Variants in HSD17B4 observed in about 807,000 individuals in gnomAD.
The protein encoded by HSD17B4 is peroxisomal multifunctional enzyme type 2.
HSD17B4 carries 70 observed loss-of-function variants against 101.0 expected under a neutral mutation model. The observed-to-expected ratio is 0.69, with a 90% CI of 0.57 to 0.85. The LOEUF is 0.85. Among genes scored for constraint, HSD17B4 ranks in the 40% least tolerant of loss-of-function variants. The pLI, the probability that HSD17B4 is intolerant of heterozygous loss-of-function variation, is 0.00. For synonymous variants in HSD17B4, 347 were observed against 297.1 expected, an observed-to-expected ratio of 1.17 and a Z score of -1.73; for missense variants, 984 against 892.4, an observed-to-expected ratio of 1.10 and a Z score of -1.31.
chr5:119,519,699 C>T (rs889333697), intron 17 of HSD17B4, among the ~76,000 whole-genome samples: 1 of 152,202 alleles, frequency 6.6e-6, no homozygotes, highest in Non-Finnish European at 1.5e-5. Flanking sequence ...TTCTTTCTCT[C>T]ATTTTTATTT....
intron 11 of HSD17B4, among the ~76,000 whole-genome samples, chr5:119,495,367 G>A (rs1750538539): frequency 6.6e-6 from 1 of 152,110 alleles, no homozygotes; most frequent in Non-Finnish European, 1.5e-5. Context: ...TCTATTTGAA[G>A]CACAATTTTT....
At chr5:119,463,265 G>A (rs1755445749) in intron 2 of HSD17B4, among the ~76,000 whole-genome samples, 2 of 152,016 alleles carry the variant, frequency 1.3e-5, no homozygotes, top group Admixed American at 6.6e-5. Flanking sequence ...GTTGATGAAC[G>A]CTTAGGCCGG....
chr5:119,509,448 G>C (rs769321757), intron 16 of HSD17B4: 2 of 685,912 alleles, frequency 2.9e-6, no homozygotes, highest in South Asian at 3.0e-5. Context: ...ATGTGAGGAT[G>C]ATGAGGATGA....
At chr5:119,526,104 T>A (rs1408016220) in intron 19 of HSD17B4, 81 bp downstream of exon 19, 2 of 835,570 alleles carry the variant, frequency 2.4e-6, no homozygotes, top group East Asian at 4.9e-5. Flanking sequence ...AGTGATTTAA[T>A]TGAAAATAGA....
intron 16 of HSD17B4, among the ~76,000 whole-genome samples, chr5:119,509,812 G>T (rs1224616168): frequency 6.6e-6 from 1 of 152,198 alleles, no homozygotes; most frequent in Non-Finnish European, 1.5e-5. Flanking sequence ...GATTTCAGAT[G>T]AGGTGGCAGC....
intron 8 of HSD17B4, among the ~76,000 whole-genome samples, chr5:119,483,425 T>G (rs1749329513): frequency 6.6e-6 from 1 of 152,154 alleles, no homozygotes; most frequent in South Asian, 2.1e-4. Flanking sequence ...AGGATGGAAG[T>G]AACAACTTCC....
In HSD17B4 at chr5:119,525,971, G is replaced by T; in HGVS notation, c.1628G>T (p.Arg543Leu). 14 of 1,611,504 alleles carry T rather than the reference G, an allele frequency of 8.7e-6. No individual in the cohort carries two copies. Among genetic ancestry groups the T allele is most frequent in the Non-Finnish European group, 1.1e-5 (13 of 1,177,944 alleles). The change falls in exon 19 of 24, where the codon CGT (arginine) becomes CTT (leucine). Residue 543 changes from arginine (R) to leucine (L), a missense_variant. Coordinates refer to ENST00000510025, the MANE Select transcript of HSD17B4 (RefSeq NM_000414.4). The part of the protein sequence containing the change: ...GLCTFGFSAR[R>L]VLQQFADNDV... ...TGTACATTTGGATTTTCTGCCAGGCGTGTGTTACAGCAGTTTGCAGATAAT... is the reference window on the plus strand; with the variant it reads ...TGTACATTTGGATTTTCTGCCAGGCTTGTGTTACAGCAGTTTGCAGATAAT...
chr5:119,494,830 C>T (rs1381250922), intron 11 of HSD17B4, among the ~76,000 whole-genome samples: 1 of 152,034 alleles, frequency 6.6e-6, no homozygotes, highest in Non-Finnish European at 1.5e-5. Flanking sequence ...TATTTAATCT[C>T]CTGTTACATA....
Position 119,503,076 on chromosome 5 carries a change from TTGTGTGTGTGTGTGTGTGTG to T in HSD17B4, c.1261+1004_1261+1023del, listed in dbSNP as rs759039800. 7.1e-5 allele frequency among the ~76,000 whole-genome samples: 10 copies of T among 140,640 alleles called. No individual in the cohort carries two copies. In the East Asian group the frequency reaches 8.9e-4, roughly 12 times the overall value. The allele number at this position is 140,640 out of a possible 152,430, so 92.3% of individuals were successfully genotyped here. The stretch of plus-strand genomic sequence containing the variant: ...AGATTCTCAATCCCAACCTTGGAAA[TTGTGTGTGTGTGTGTGTGTG>T]TGTGTGTGTGTGTGTGTGTATGTGT... On this transcript the variant is annotated intron_variant, in intron 14 of 23. Coordinates refer to ENST00000510025, the MANE Select transcript of HSD17B4 (RefSeq NM_000414.4).
chr5:119,471,983 T>C (rs1756419371), intron 2 of HSD17B4, among the ~76,000 whole-genome samples: 1 of 152,162 alleles, frequency 6.6e-6, no homozygotes, highest in African/African-American at 2.4e-5. Context: ...TTCCTGCAAA[T>C]AGTAAATTAT....
chr5:119,509,314 A>G, intron 16 of HSD17B4, 70 bp downstream of exon 16: 3 of 981,030 alleles, frequency 3.1e-6, no homozygotes, highest in East Asian at 2.4e-5. Context: ...TGAGACTTGA[A>G]CAGCATGAGT....
chr5:119,529,904 C>A lies in HSD17B4; in HGVS notation c.1778C>A (p.Thr593Asn), dbSNP rs1753912568. 1.3e-6 allele frequency: 2 copies of A among 1,597,302 alleles called. No homozygotes were observed. Among genetic ancestry groups the A allele is most frequent in the Non-Finnish European group, 1.7e-6 (2 of 1,165,948 alleles). The change falls in exon 21 of 24, where the codon ACT becomes AAT. Residue 593 changes from threonine (T) to asparagine (N), a missense_variant. Physicochemically the swap from Thr to Asn is moderately conservative, Grantham distance 65. Transcript: ENST00000510025. ...TCTTCTCCTCCTAAGGTCCAAGAAA[C>A]TGGAGACATTGTCATTTCAAATGCA... ...RIHFQTKVQE[T>N]GDIVISNAYV... is the part of the protein sequence containing the mutation.
intron 11 of HSD17B4, 67 bp from the exon 12 acceptor site, chr5:119,496,476 T>C (rs1010087633): frequency 8.1e-6 from 7 of 859,710 alleles, no homozygotes; most frequent in Admixed American, 1.7e-5. Context: ...ATGTAGCATA[T>C]TGTAGCTTTT....
chr5:119,505,790 A>G (rs1455876760), intron 14 of HSD17B4, among the ~76,000 whole-genome samples: 2 of 151,800 alleles, frequency 1.3e-5, no homozygotes, highest in Non-Finnish European at 2.9e-5. Flanking sequence ...ATTGTGTTGA[A>G]TAGGAGTAGA....
chr5:119,520,725 G>T (rs532824891), intron 17 of HSD17B4, among the ~76,000 whole-genome samples: 80 of 152,186 alleles, frequency 5.3e-4, no homozygotes, highest in African/African-American at 1.9e-3. Context: ...TATGGTAGAA[G>T]AATAAGTCCA....
chr5:119,535,888 T>TA (rs1754489435), intron 22 of HSD17B4: 1 of 164,186 alleles, frequency 6.1e-6, no homozygotes, highest in South Asian at 1.6e-4. Context: ...GTAAAGTATA[T>TA]ATCTTAATAA....
At chr5:119,525,598 G>T (rs1203022210) in intron 18 of HSD17B4, 2 of 515,846 alleles carry the variant, frequency 3.9e-6, no homozygotes, top group Admixed American at 3.2e-5. Flanking sequence ...GAAAGGTTAG[G>T]GAAGGATCAT....
chr5:119,537,183 T>C (rs1754610719), intron 23 of HSD17B4, among the ~76,000 whole-genome samples: 1 of 152,112 alleles, frequency 6.6e-6, no homozygotes, highest in Admixed American at 6.6e-5. Context: ...GTGCAGTTAT[T>C]TAAAAATAGC....
intron 23 of HSD17B4, among the ~76,000 whole-genome samples, chr5:119,541,485 C>T (rs1365336923): frequency 1.3e-5 from 2 of 152,272 alleles, no homozygotes; most frequent in East Asian, 3.9e-4. Flanking sequence ...TCTAATTTGT[C>T]ATTTCGTGGC....
Sources: allele counts gnomAD v4.1 joint callset (sites outside exome capture counted in the v4.1 genomes callset), GRCh38; gene constraint gnomAD v4.1.1; transcripts MANE v1.5; gene names NCBI Gene and HGNC (gene_info 2026-07-23, HGNC 2026-07-21).